ANO10: variants seen among roughly 807,000 people sequenced by gnomAD.
The protein encoded by ANO10 is anoctamin 10, also known as anoctamin-10.
ANO10 carries 77 observed loss-of-function variants against 74.7 expected under a neutral mutation model. The observed-to-expected ratio is 1.03, with a 90% CI of 0.86 to 1.25. ANO10 has a LOEUF of 1.25. Ranked by LOEUF, ANO10 falls within the 50% of genes most tolerant of loss-of-function variation. The pLI, the probability that ANO10 is intolerant of heterozygous loss-of-function variation, is 0.00. For synonymous variants in ANO10, 279 were observed against 284.9 expected (o/e 0.98, Z 0.21); for missense variants, 721 against 778.1 (o/e 0.93, Z 0.87).
intron 1 of ANO10, 105 bp downstream of exon 1, chr3:43,621,804 C>G (rs1488355082): frequency 6.5e-6 from 1 of 152,962 alleles, no homozygotes; most frequent in Non-Finnish European, 1.5e-5. Flanking sequence ...AGGGCGGCGA[C>G]CAGGCGGAGC....
chr3:43,404,821 T>A (rs1559513101), intron 12 of ANO10, among the ~76,000 whole-genome samples: 1 of 136,132 alleles, frequency 7.3e-6, no homozygotes, highest in Admixed American at 8.5e-5. Flanking sequence ...AAGTTGAGGC[T>A]GCAATGAGCC....
At chr3:43,620,464 C>CT (rs1283287955) in intron 1 of ANO10, among the ~76,000 whole-genome samples, 3 of 152,156 alleles carry the variant, frequency 2.0e-5, no homozygotes, top group African/African-American at 4.8e-5. Flanking sequence ...ATAATTTTCT[C>CT]TGTCTTCCAA....
At chr3:43,490,559 C>T (rs9830697) in intron 11 of ANO10, among the ~76,000 whole-genome samples, 75,125 of 152,108 alleles carry the variant, frequency 0.49, 20,652 homozygotes, top group East Asian at 0.83. Context: ...CAGATACTTG[C>T]TATGTACTCA....
intron 1 of ANO10, among the ~76,000 whole-genome samples, chr3:43,653,488 C>T (rs2083811782): frequency 6.6e-6 from 1 of 152,184 alleles, no homozygotes; most frequent in Admixed American, 6.5e-5. Context: ...CTTGGAACAA[C>T]TATGCTGAAG....
intron 12 of ANO10, among the ~76,000 whole-genome samples, chr3:43,383,715 A>G (rs2092038155): frequency 6.6e-6 from 1 of 152,214 alleles, no homozygotes; most frequent in Non-Finnish European, 1.5e-5. Flanking sequence ...AACATTTGAC[A>G]AAATCCAGCG....
chr3:43,389,556 C>T lies in ANO10; in HGVS notation c.1915-22582G>A, dbSNP rs1357541153. On this transcript the variant is annotated intron_variant, in intron 12 of 12. Transcript: ENST00000292246. ...ATTTCAGAGAAGTCAAACAAACAAG[C>T]TTGCACCAAATAAATAACCATGCAA... is the stretch of plus-strand genomic sequence containing the variant. Among the ~76,000 whole-genome samples, 7 of 152,158 alleles carry T rather than the reference C, an allele frequency of 4.6e-5. No homozygotes were observed. In the East Asian group the frequency reaches 1.2e-3, roughly 25 times the overall value.
intron 4 of ANO10, among the ~76,000 whole-genome samples, chr3:43,592,752 C>A (rs902067804): frequency 6.6e-6 from 1 of 152,204 alleles, no homozygotes; most frequent in East Asian, 1.9e-4. Flanking sequence ...CAGAGAATGA[C>A]TTTGACGAGT....
intron 11 of ANO10, among the ~76,000 whole-genome samples, chr3:43,461,048 A>G (rs1024409972): frequency 1.3e-5 from 2 of 152,094 alleles, no homozygotes; most frequent in Non-Finnish European, 2.9e-5. Flanking sequence ...AAATCAGTAA[A>G]ATAGAAATCA....
intron 1 of ANO10, among the ~76,000 whole-genome samples, chr3:43,654,640 T>C (rs2083826645): frequency 6.6e-6 from 1 of 152,232 alleles, no homozygotes; most frequent in South Asian, 2.1e-4. Context: ...AAAAGCTCTT[T>C]GCCCCTTTCC....
intron 4 of ANO10, among the ~76,000 whole-genome samples, chr3:43,595,695 C>T (rs2082043171): frequency 6.6e-6 from 1 of 152,188 alleles, no homozygotes; most frequent in Admixed American, 6.5e-5. Flanking sequence ...CCTTTGAAAA[C>T]TGGCCCAAGA....
chr3:43,434,807 C>A (rs548463628), intron 11 of ANO10, among the ~76,000 whole-genome samples: 5 of 152,162 alleles, frequency 3.3e-5, no homozygotes, highest in African/African-American at 7.2e-5. Flanking sequence ...GGTTTCCATG[C>A]GAACTGTTCA....
At chr3:43,665,714 C>T (rs1159808266) in intron 1 of ANO10, among the ~76,000 whole-genome samples, 1 of 152,142 alleles carries the variant, frequency 6.6e-6, no homozygotes, top group Non-Finnish European at 1.5e-5. Flanking sequence ...GCAAAATCTT[C>T]AGGATTCACT....
At chr3:43,528,937 C>T (rs1221605037) in intron 11 of ANO10, among the ~76,000 whole-genome samples, 1 of 151,936 alleles carries the variant, frequency 6.6e-6, no homozygotes, top group Non-Finnish European at 1.5e-5. Flanking sequence ...CCAGCCTGGG[C>T]AACAGAGTGA....
At position 43,560,920 on chromosome 3, in the gene ANO10, C is replaced by T. The variant is rs2079999313; in HGVS notation, c.1476+300G>A. Among the ~76,000 whole-genome samples, 2 of 152,230 alleles carry T rather than the reference C, an allele frequency of 1.3e-5. 1 individual carries two copies. Among genetic ancestry groups the T allele is most frequent in the South Asian group, 4.1e-4 (2 of 4,832 alleles). ...TGCTGCCTCTTCAGGGACCATCTCT[C>T]CCGTTCTGTCATCTCTGGGGCAACT... On this transcript the variant is annotated intron_variant, in intron 9 of 12. Coordinates refer to ENST00000292246, the MANE Select transcript of ANO10 (RefSeq NM_018075.5).
intron 12 of ANO10, among the ~76,000 whole-genome samples, chr3:43,370,305 C>T (rs1329458035): frequency 6.6e-6 from 1 of 152,244 alleles, no homozygotes; most frequent in Non-Finnish European, 1.5e-5. Flanking sequence ...CTGCAGTGGA[C>T]CCCAGACTCT....
chr3:43,450,617 T>G (rs773669733), intron 11 of ANO10, among the ~76,000 whole-genome samples: 1 of 152,188 alleles, frequency 6.6e-6, no homozygotes, highest in African/African-American at 2.4e-5. Context: ...CTGGTTATGA[T>G]AAGGAAATCA....
At chr3:43,609,447 A>G (rs1443364655) in intron 1 of ANO10, among the ~76,000 whole-genome samples, 2 of 152,194 alleles carry the variant, frequency 1.3e-5, no homozygotes, top group Non-Finnish European at 2.9e-5. Flanking sequence ...CAAAAAGTAA[A>G]CCTCAAGCCA....
At chr3:43,599,671 C>T (rs562955680) in intron 3 of ANO10, among the ~76,000 whole-genome samples, 23 of 151,966 alleles carry the variant, frequency 1.5e-4, no homozygotes, top group East Asian at 9.7e-4. Context: ...TTTGGGAGGC[C>T]GAGGCAGGCA....
At chr3:43,478,823 G>C (rs2076166650) in intron 11 of ANO10, among the ~76,000 whole-genome samples, 1 of 152,170 alleles carries the variant, frequency 6.6e-6, no homozygotes, top group African/African-American at 2.4e-5. Context: ...AAGTCAAATA[G>C]TTTTTAAAAA....
Sources: gnomAD v4.1 joint callset for allele counts (sites outside exome capture counted in the v4.1 genomes callset) on GRCh38, gnomAD v4.1.1 for gene constraint, MANE v1.5 for transcripts, NCBI Gene and HGNC (gene_info 2026-07-23, HGNC 2026-07-21) for gene names.